The following MACF1 variants were observed in gnomAD, a reference collection of about 807,000 sequenced individuals.
The protein encoded by MACF1 is microtubule actin crosslinking factor 1.
MACF1 carries 193 observed loss-of-function variants against 854.8 expected under a neutral mutation model. That is an observed-to-expected ratio of 0.23 (90% CI 0.20 to 0.25). MACF1 has a LOEUF of 0.25. Among genes scored for constraint, MACF1 ranks in the 10% least tolerant of loss-of-function variants. MACF1 has a pLI of 1.00. For missense variants in MACF1, 7,722 were observed against 8,929.1 expected (o/e 0.86, Z 5.45); for synonymous variants, 3,185 against 3,226.7 (o/e 0.99, Z 0.44).
chr1:39,402,125 T>C (rs961457097), intron 58 of MACF1, among the ~76,000 whole-genome samples: 1 of 152,106 alleles, frequency 6.6e-6, no homozygotes, highest in Admixed American at 6.5e-5. Flanking sequence ...GGCAGGAGAA[T>C]CGCTTGAACC....
rs751914847 is a variant in MACF1, at chr1:39,437,892, A to G, written c.18104A>G (p.Asn6035Ser). ...VDKIRECISD[N>S]KSATVELEKL... ...AAGATCAGAGAGTGCATCAGTGACA[A>G]TAAGAGTGCCACCGTGGAGCTAGAA... Residue 6035 changes from asparagine (N) to serine (S), a missense_variant, in exon 71 of 101, where the codon AAT (asparagine) becomes AGT (serine). Asn to Ser is a conservative substitution (Grantham distance 46). Transcript: ENST00000564288. 5.6e-6 allele frequency: 9 copies of G among 1,614,126 alleles called. No homozygotes were observed. Among genetic ancestry groups the G allele is most frequent in the Non-Finnish European group, 5.9e-6 (7 of 1,180,004 alleles).
chr1:39,435,231 G>A (rs1040271865), intron 69 of MACF1, among the ~76,000 whole-genome samples: 1 of 152,162 alleles, frequency 6.6e-6, no homozygotes, highest in Non-Finnish European at 1.5e-5. Flanking sequence ...GTAAAATAGA[G>A]TACATAGAAG....
intron 2 of MACF1, among the ~76,000 whole-genome samples, chr1:39,159,839 G>C (rs1293687059): frequency 6.6e-6 from 1 of 151,974 alleles, no homozygotes; most frequent in Non-Finnish European, 1.5e-5. Context: ...AGAGTGGGAG[G>C]GGGTAGAGGG....
chr1:39,241,132 A>G (rs558220243), intron 2 of MACF1, among the ~76,000 whole-genome samples: 43 of 151,364 alleles, frequency 2.8e-4, no homozygotes, highest in East Asian at 7.8e-4. Flanking sequence ...TGTTTTTACA[A>G]TTTGGAGATC....
intron 5 of MACF1, among the ~76,000 whole-genome samples, chr1:39,255,465 G>A (rs1453043428): frequency 6.6e-6 from 1 of 152,194 alleles, no homozygotes; most frequent in Non-Finnish European, 1.5e-5. Context: ...AGCAACAACA[G>A]GGTCAACGTG....
chr1:39,139,465 C>G (rs1643274752), intron 2 of MACF1, among the ~76,000 whole-genome samples: 1 of 152,080 alleles, frequency 6.6e-6, no homozygotes, highest in Non-Finnish European at 1.5e-5. Flanking sequence ...CCATGTTGGC[C>G]AGGCTGGTCT....
chr1:39,454,374 C>G (rs1273961011), intron 88 of MACF1, among the ~76,000 whole-genome samples: 2 of 152,100 alleles, frequency 1.3e-5, no homozygotes, highest in Non-Finnish European at 2.9e-5. Flanking sequence ...GGACCAGTCC[C>G]CCATGGATAC....
intron 37 of MACF1, 113 bp from the exon 38 acceptor site, chr1:39,337,069 C>T (rs969261112): frequency 3.3e-6 from 3 of 922,870 alleles, no homozygotes; most frequent in African/African-American, 3.3e-5. Flanking sequence ...TTTTATCCCA[C>T]TCTATGTGCA....
intron 2 of MACF1, among the ~76,000 whole-genome samples, chr1:39,186,206 CTCTCTCTCTG>C (rs1644168472): frequency 1.7e-5 from 1 of 57,852 alleles, no homozygotes; most frequent in Non-Finnish European, 3.6e-5. Context: ...CTCTCTCTCT[CTCTCTCTCTG>C]TGTGTGTGTG....
intron 5 of MACF1, among the ~76,000 whole-genome samples, chr1:39,255,335 G>T (rs1239196716): frequency 6.6e-6 from 1 of 152,226 alleles, no homozygotes; most frequent in African/African-American, 2.4e-5. Flanking sequence ...GAGAATGACA[G>T]AGGGAGGGGT....
chr1:39,183,397 G>A (rs568690388), intron 2 of MACF1, among the ~76,000 whole-genome samples: 1 of 152,274 alleles, frequency 6.6e-6, no homozygotes, highest in South Asian at 2.1e-4. Flanking sequence ...AGGCTGATTT[G>A]TAGGTATGAA....
chr1:39,433,109 G>A lies in MACF1; in HGVS notation c.17519G>A (p.Ser5840Asn), dbSNP rs993910380. Residue 5840 changes from serine (S) to asparagine (N), a missense_variant, in exon 68 of 101, where the codon AGT becomes AAT. Physicochemically the swap from Ser to Asn is conservative, Grantham distance 46. Transcript: ENST00000564288. ...DSMDELFSHRSEIFGTCGEEQ... is the reference protein window; with the variant it reads ...DSMDELFSHRNEIFGTCGEEQ... ...ATGGATGAACTCTTCAGTCACCGTA[G>A]TGAAATCTTTGGCACATGTGGGGAG... The A allele has an allele frequency of 2.7e-5, 43 of 1,612,572 alleles. No homozygotes were observed. The highest frequency in any genetic ancestry group is 2.0e-4 in the Admixed American group (12 of 59,834).
intron 27 of MACF1, among the ~76,000 whole-genome samples, chr1:39,316,154 T>C (rs1217331918): frequency 6.6e-6 from 1 of 152,234 alleles, no homozygotes; most frequent in Non-Finnish European, 1.5e-5. Context: ...CTTTCTTCCA[T>C]GAGTCCACCA....
intron 2 of MACF1, among the ~76,000 whole-genome samples, chr1:39,114,429 C>T (rs887156268): frequency 1.3e-5 from 2 of 151,894 alleles, no homozygotes; most frequent in African/African-American, 4.8e-5. Flanking sequence ...TGTAAAAAGT[C>T]CCTAGATTAA....
At chr1:39,416,593 A>T (rs1312253241) in intron 58 of MACF1, among the ~76,000 whole-genome samples, 1 of 152,262 alleles carries the variant, frequency 6.6e-6, no homozygotes, top group Non-Finnish European at 1.5e-5. Context: ...ATCTGCATAA[A>T]GGGGAAAAAG....
At chr1:39,285,874 G>A (rs1305062798) in intron 14 of MACF1, 116 bp downstream of exon 14, 4 of 1,134,810 alleles carry the variant, frequency 3.5e-6, no homozygotes, top group East Asian at 2.4e-5. Context: ...TGAGGTCAGT[G>A]TCTCAATGGG....
rs530038089 is a variant in MACF1 at position 39,317,195 on chromosome 1, T to C, written c.3589-19T>C. 4.3e-6 allele frequency: 7 copies of C among 1,610,816 alleles called. No individual in the cohort carries two copies. Among genetic ancestry groups the C allele is most frequent in the South Asian group, 3.3e-5 (3 of 90,452 alleles). On this transcript the variant is annotated intron_variant, in intron 28 of 100. Transcript: ENST00000564288. Reference sequence around the variant, plus strand: ...GCATGGAAAGTATACAACCTGTTTCTGTACTTATGTTTCCACAGCACTGGC... The same window carrying C: ...GCATGGAAAGTATACAACCTGTTTCCGTACTTATGTTTCCACAGCACTGGC...
intron 70 of MACF1, 56 bp from the exon 71 acceptor site, chr1:39,437,721 T>C (rs1158586797): frequency 3.8e-6 from 5 of 1,303,346 alleles, no homozygotes; most frequent in Non-Finnish European, 5.6e-6. Flanking sequence ...CCCTAACACT[T>C]CTCCAAGAAG....
chr1:39,318,497 G>A lies in MACF1; in HGVS notation c.3827G>A (p.Arg1276Gln), dbSNP rs559634261. The change falls in exon 30 of 101, where the codon CGA becomes CAA. Residue 1276 changes from arginine to glutamine, a missense_variant. Arg to Gln is a conservative substitution (Grantham distance 43, BLOSUM62 1). Transcript: ENST00000564288. ...ATCCAGGAAGTTCTGGGAGATTACC[G>A]AGCCTGCCATGGAACTCTCATCAAG... is the stretch of plus-strand genomic sequence containing the variant. ...ESIQEVLGDYRACHGTLIKWI... is the reference protein window; with the variant it reads ...ESIQEVLGDYQACHGTLIKWI... The A allele has an allele frequency of 1.5e-5, 25 of 1,613,932 alleles. No individual in the cohort carries two copies. Among genetic ancestry groups the A allele is most frequent in the East Asian group, 2.2e-5 (1 of 44,876 alleles).
Sources: allele counts gnomAD v4.1 joint callset (sites outside exome capture counted in the v4.1 genomes callset), GRCh38; gene constraint gnomAD v4.1.1; transcripts MANE v1.5; gene names NCBI Gene and HGNC (gene_info 2026-07-23, HGNC 2026-07-21).